The following AK9 variants were observed in gnomAD, a reference collection of about 807,000 sequenced individuals.
AK9 encodes adenylate kinase 9.
A neutral mutation model predicts 239.6 loss-of-function variants in AK9; 191 were observed. That is an observed-to-expected ratio of 0.80 (90% CI 0.71 to 0.90). AK9 has a LOEUF of 0.90. Ranked by LOEUF, AK9 falls within the 40% of genes least tolerant of loss-of-function variation. AK9 has a pLI of 0.00. For missense variants in AK9, 1,995 were observed against 2,214.7 expected (o/e 0.90, Z 1.99); for synonymous variants, 689 against 721.0 (o/e 0.96, Z 0.71).
intron 35 of AK9, among the ~76,000 whole-genome samples, chr6:109,503,944 C>T (rs1182103101): frequency 1.3e-5 from 2 of 152,198 alleles, no homozygotes; most frequent in African/African-American, 4.8e-5. Flanking sequence ...AGTGTTTCCC[C>T]AGGATCTACT....
At position 109,633,318 on chromosome 6, in the gene AK9, C is replaced by A; in HGVS notation, c.939G>T (p.Glu313Asp). 6.3e-7 allele frequency: 1 copy of A among 1,592,748 alleles called. No homozygotes were observed. Among genetic ancestry groups the A allele is most frequent in the Non-Finnish European group, 8.5e-7 (1 of 1,176,382 alleles). The change falls in exon 11 of 41, where the codon GAG becomes GAT. Residue 313 changes from glutamate (E) to aspartate (D), a missense_variant. Physicochemically the swap from Glu to Asp is conservative, Grantham distance 45 (BLOSUM62 2). Coordinates refer to ENST00000424296, the MANE Select transcript of AK9 (RefSeq NM_001145128.3). ...TATAAGATGCAAGAGTACGAAATAG[C>A]TCATCCTGTGAATTGCAAATACTAC... is the stretch of plus-strand genomic sequence containing the variant. Reference protein sequence around the residue: ...EEINDTMENDELFRTLASYKL... With the variant: ...EEINDTMENDDLFRTLASYKL...
chr6:109,668,302 T>C (rs1036330213), intron 5 of AK9, among the ~76,000 whole-genome samples: 2 of 152,074 alleles, frequency 1.3e-5, no homozygotes, highest in Admixed American at 6.5e-5. Flanking sequence ...TATTGGCCCA[T>C]TGTCAGATGA....
At chr6:109,510,253 A>T (rs1349791460) in intron 32 of AK9, among the ~76,000 whole-genome samples, 3 of 152,074 alleles carry the variant, frequency 2.0e-5, no homozygotes, top group Non-Finnish European at 4.4e-5. Flanking sequence ...GCTCAGCCAG[A>T]GCGTGGGAGA....
chr6:109,538,506 C>T (rs909155944), intron 27 of AK9, among the ~76,000 whole-genome samples: 21 of 152,042 alleles, frequency 1.4e-4, no homozygotes, highest in African/African-American at 2.4e-4. Flanking sequence ...TGTCTCTGCA[C>T]GTGAGATGGG....
chr6:109,528,957 G>A (rs1468404224), intron 29 of AK9, 54 bp downstream of exon 29: 2 of 1,584,972 alleles, frequency 1.3e-6, no homozygotes, highest in Non-Finnish European at 1.7e-6. Context: ...ACTGTACCCT[G>A]CCCTGGGCAA....
In AK9 at chr6:109,632,988, G is replaced by A; in HGVS notation, c.1189C>T (p.Leu397Phe). Residue 397 changes from leucine to phenylalanine, a missense_variant, in exon 12 of 41, where the codon CTT becomes TTT. Around this residue, in one of 5 missense-constraint regions of AK9, gnomAD observed 1,290 missense variants for 1,392.7 expected, o/e 0.93. Transcript: ENST00000424296. ...MPGPPCKVFILGPQYSGKTTL... is the reference protein window; with the variant it reads ...MPGPPCKVFIFGPQYSGKTTL... ...GTTTTCCCTGAATATTGAGGTCCAA[G>A]TATGAATACTTTACATGGTGGTCCT... 1 of 1,611,470 alleles carries A rather than the reference G, an allele frequency of 6.2e-7. No individual in the cohort carries two copies. Among genetic ancestry groups the A allele is most frequent in the Non-Finnish European group, 8.5e-7 (1 of 1,179,270 alleles).
At chr6:109,672,311 C>T (rs1045844606) in intron 3 of AK9, 144 bp from the exon 4 acceptor site, 2 of 752,186 alleles carry the variant, frequency 2.7e-6, no homozygotes, top group African/African-American at 3.5e-5. Context: ...ATGCATATTA[C>T]TTCACTTAAG....
At chr6:109,582,903 G>A (rs79374028) in intron 19 of AK9, among the ~76,000 whole-genome samples, 3,876 of 152,092 alleles carry the variant, frequency 0.025, 91 homozygotes, top group East Asian at 0.11. Context: ...TACCCTTATC[G>A]GTCAGCAGCC....
At chr6:109,497,731 A>G (rs556435529) in intron 37 of AK9, 65 bp downstream of exon 37, 21 of 1,547,264 alleles carry the variant, frequency 1.4e-5, no homozygotes, top group Admixed American at 1.9e-5. Context: ...TGTTAAGATT[A>G]TTACATGAAC....
At chr6:109,497,352 A>ACC in intron 38 of AK9, 113 bp downstream of exon 38, 1 of 636,390 alleles carries the variant, frequency 1.6e-6, no homozygotes. Context: ...ACACACACAC[A>ACC]CACACACACA....
chr6:109,676,028 AT>A (rs1435257181), intron 1 of AK9, among the ~76,000 whole-genome samples: 1 of 152,116 alleles, frequency 6.6e-6, no homozygotes, highest in Non-Finnish European at 1.5e-5. Context: ...AAAAATACAG[AT>A]TTGTGTGTAT....
intron 1 of AK9, among the ~76,000 whole-genome samples, chr6:109,678,912 G>A (rs897184885): frequency 5.3e-5 from 8 of 152,174 alleles, no homozygotes; most frequent in South Asian, 2.1e-4. Context: ...CATGAGGAAC[G>A]GTGCACTCTG....
intron 6 of AK9, 52 bp downstream of exon 6, chr6:109,662,499 T>C: frequency 7.6e-7 from 1 of 1,321,058 alleles, no homozygotes; most frequent in Admixed American, 2.8e-5. Context: ...TGAATTTAAC[T>C]ACTATCAAAA....
chr6:109,643,021 G>A (rs776477640), intron 9 of AK9, among the ~76,000 whole-genome samples: 2 of 152,210 alleles, frequency 1.3e-5, no homozygotes, highest in Non-Finnish European at 2.9e-5. Context: ...CTCATGCCTT[G>A]TGAACTCTGG....
At chr6:109,630,562 C>T (rs1014135470) in intron 12 of AK9, among the ~76,000 whole-genome samples, 2 of 152,020 alleles carry the variant, frequency 1.3e-5, no homozygotes, top group African/African-American at 4.8e-5. Flanking sequence ...ATCAGTGAGG[C>T]TCGGTATGGT....
Position 109,652,106 on chromosome 6 carries a change from G to C in AK9, c.759+4650C>G, listed in dbSNP as rs551015244. Reference sequence around the variant, plus strand: ...GCCTGTCAGAGAAACAACAAAAAAAGAGAATTTTAGACCAAGATCCCTGAT... The same window carrying C: ...GCCTGTCAGAGAAACAACAAAAAAACAGAATTTTAGACCAAGATCCCTGAT... On this transcript the variant is annotated intron_variant, in intron 8 of 40. Transcript: ENST00000424296. 1.1e-3 allele frequency among the ~76,000 whole-genome samples: 172 copies of C among 152,254 alleles called. 1 individual carries two copies. The highest frequency in any genetic ancestry group is 3.9e-3 in the African/African-American group (162 of 41,532).
At chr6:109,645,119 G>T (rs2128292703) in intron 8 of AK9, among the ~76,000 whole-genome samples, 1 of 152,324 alleles carries the variant, frequency 6.6e-6, no homozygotes, top group East Asian at 1.9e-4. Context: ...AACAGTTCCG[G>T]TCTACAGCTC....
intron 27 of AK9, among the ~76,000 whole-genome samples, chr6:109,539,978 G>T (rs1363008245): frequency 6.6e-6 from 1 of 152,076 alleles, no homozygotes. Context: ...CATCTCAGAG[G>T]GGTATCTGGC....
At chr6:109,655,513 T>G (rs1799565640) in intron 8 of AK9, among the ~76,000 whole-genome samples, 1 of 152,238 alleles carries the variant, frequency 6.6e-6, no homozygotes, top group Non-Finnish European at 1.5e-5. Flanking sequence ...TTTCATCTAT[T>G]TAATTTCCGG....
Sources: gnomAD v4.1 joint callset for allele counts (sites outside exome capture counted in the v4.1 genomes callset) on GRCh38, gnomAD v4.1.1 for gene constraint, gnomAD v4.1.1 regional missense constraint, MANE v1.5 for transcripts, NCBI Gene and HGNC (gene_info 2026-07-23, HGNC 2026-07-21) for gene names.